Variants in RAP1GDS1 observed in about 807,000 individuals in gnomAD.
The protein encoded by RAP1GDS1 is RAP1, GTP-GDP dissociation stimulator 1.
In RAP1GDS1, 35 loss-of-function variants were observed where a neutral mutation model predicts 71.1. The ratio of observed to expected loss-of-function variants is 0.49; its 90% CI spans 0.38 to 0.65. RAP1GDS1 has a LOEUF of 0.65. Among genes scored for constraint, RAP1GDS1 ranks in the 30% least tolerant of loss-of-function variants. RAP1GDS1 has a pLI of 0.00. For missense variants in RAP1GDS1, 663 were observed against 706.1 expected, an observed-to-expected ratio of 0.94 and a Z score of 0.69; for synonymous variants, 229 against 243.1, an observed-to-expected ratio of 0.94 and a Z score of 0.54.
At chr4:98,288,079 A>C (rs893031006) in intron 1 of RAP1GDS1, among the ~76,000 whole-genome samples, 9 of 152,008 alleles carry the variant, frequency 5.9e-5, no homozygotes, top group Non-Finnish European at 1.0e-4. Flanking sequence ...TGTGCACAAC[A>C]TGCAGGTTTG....
chr4:98,357,928 G>A (rs1167715159), intron 4 of RAP1GDS1, among the ~76,000 whole-genome samples: 1 of 151,858 alleles, frequency 6.6e-6, no homozygotes, highest in Non-Finnish European at 1.5e-5. Flanking sequence ...GTGACTCAGT[G>A]TAATACATAC....
At chr4:98,387,903 A>G (rs944284844) in intron 5 of RAP1GDS1, among the ~76,000 whole-genome samples, 2 of 152,160 alleles carry the variant, frequency 1.3e-5, no homozygotes, top group African/African-American at 4.8e-5. Context: ...TAATCTGCCT[A>G]ATGTATCTAG....
chr4:98,343,431 G>A, intron 3 of RAP1GDS1, 170 bp downstream of exon 3: 4 of 795,740 alleles, frequency 5.0e-6, no homozygotes, highest in Non-Finnish European at 7.8e-6. Context: ...TATAGTTACA[G>A]TCATTCATAC....
chr4:98,373,331 T>A (rs1014557900), intron 4 of RAP1GDS1, among the ~76,000 whole-genome samples: 23 of 152,084 alleles, frequency 1.5e-4, no homozygotes, highest in Admixed American at 3.9e-4. Context: ...TTTTTCTGTT[T>A]TTTTCCCCCT....
chr4:98,386,760 T>G (rs866653460), intron 5 of RAP1GDS1, among the ~76,000 whole-genome samples: 6 of 152,054 alleles, frequency 3.9e-5, no homozygotes, highest in African/African-American at 9.7e-5. Flanking sequence ...GTTCTCCACT[T>G]TATAAACATT....
At chr4:98,427,527 C>CA (rs1369089028) in intron 12 of RAP1GDS1, among the ~76,000 whole-genome samples, 2 of 152,064 alleles carry the variant, frequency 1.3e-5, no homozygotes, top group Non-Finnish European at 2.9e-5. Flanking sequence ...TTTCCAGATA[C>CA]AAAATTAATG....
At chr4:98,339,547 G>A (rs761557216) in intron 2 of RAP1GDS1, among the ~76,000 whole-genome samples, 2 of 151,778 alleles carry the variant, frequency 1.3e-5, no homozygotes, top group African/African-American at 2.4e-5. Flanking sequence ...CAAGACTTCT[G>A]ATCACAGTGC....
At chr4:98,403,451 T>C (rs1470665017) in intron 6 of RAP1GDS1, among the ~76,000 whole-genome samples, 2 of 152,288 alleles carry the variant, frequency 1.3e-5, no homozygotes, top group African/African-American at 4.8e-5. Context: ...CCTGTGCAGA[T>C]AGACAGAGTG....
chr4:98,347,367 CAATT>C (rs1462420280), intron 3 of RAP1GDS1, among the ~76,000 whole-genome samples: 1 of 152,008 alleles, frequency 6.6e-6, no homozygotes, highest in African/African-American at 2.4e-5. Flanking sequence ...AAATAATCGA[CAATT>C]ATTTAATGAA....
chr4:98,332,952 A>C (rs1734204858), intron 2 of RAP1GDS1, among the ~76,000 whole-genome samples: 1 of 152,182 alleles, frequency 6.6e-6, no homozygotes, highest in African/African-American at 2.4e-5. Context: ...TGAGCTGCAT[A>C]GACCTTTGAC....
In RAP1GDS1 at chr4:98,353,395, G is replaced by A. The variant is rs1737499813; in HGVS notation, c.361+794G>A. 2.6e-5 allele frequency among the ~76,000 whole-genome samples: 4 copies of A among 152,132 alleles called. No homozygotes were observed. The South Asian group carries it at 8.3e-4, about 32-fold the overall frequency. ...TTTTAGTGCTTATTTTCCCCATTGA[G>A]TGTTTAACTCGGATGAGTTATATTT... On this transcript the variant is annotated intron_variant, in intron 4 of 14. Transcript: ENST00000408927.
chr4:98,428,089 CA>C (rs1561005783), intron 12 of RAP1GDS1, among the ~76,000 whole-genome samples: 1 of 151,760 alleles, frequency 6.6e-6, no homozygotes, highest in African/African-American at 2.4e-5. Context: ...ACAAAGCAAA[CA>C]AAAACAAAAT....
chr4:98,359,950 C>A (rs1026748591), intron 4 of RAP1GDS1, among the ~76,000 whole-genome samples: 1 of 152,154 alleles, frequency 6.6e-6, no homozygotes, highest in Non-Finnish European at 1.5e-5. Flanking sequence ...TTTTGCGTAG[C>A]ACTGCACCAG....
At chr4:98,357,139 T>G (rs1355728098) in intron 4 of RAP1GDS1, among the ~76,000 whole-genome samples, 2 of 151,922 alleles carry the variant, frequency 1.3e-5, no homozygotes, top group Non-Finnish European at 3.0e-5. Flanking sequence ...TTTGCAACAG[T>G]TATATTCAAA....
At chr4:98,365,010 G>T (rs1336019717) in intron 4 of RAP1GDS1, among the ~76,000 whole-genome samples, 1 of 151,658 alleles carries the variant, frequency 6.6e-6, no homozygotes, top group Admixed American at 6.6e-5. Flanking sequence ...AGAGCAAGAA[G>T]ACCCTGTCTC....
At chr4:98,301,079 A>G (rs971325231) in intron 2 of RAP1GDS1, among the ~76,000 whole-genome samples, 4 of 151,830 alleles carry the variant, frequency 2.6e-5, no homozygotes, top group Non-Finnish European at 5.9e-5. Context: ...TTATTATTTT[A>G]TTCTTTCATA....
intron 10 of RAP1GDS1, among the ~76,000 whole-genome samples, chr4:98,419,221 G>A (rs1748457859): frequency 6.6e-6 from 1 of 151,666 alleles, no homozygotes; most frequent in African/African-American, 2.4e-5. Flanking sequence ...ATGCCCAGCT[G>A]ATTTTTTTTT....
In RAP1GDS1 at chr4:98,357,384, A is replaced by C. The variant is rs535676893; in HGVS notation, c.361+4783A>C. Among the ~76,000 whole-genome samples, 117 of 152,040 alleles carry C rather than the reference A, an allele frequency of 7.7e-4. 2 individuals carry two copies. Among genetic ancestry groups the C allele is most frequent in the African/African-American group, 2.7e-3 (112 of 41,560 alleles). On this transcript the variant is annotated intron_variant, in intron 4 of 14. Transcript: ENST00000408927. ...GTTGTATTTTATGAGTTTATTATTA[A>C]AGTACATCATGTGTATAAGAATAAA... is the stretch of plus-strand genomic sequence containing the variant.
In RAP1GDS1 at chr4:98,441,839, A is replaced by G. The variant is rs1751913520; in HGVS notation, c.1697-151A>G. 4 of 866,426 alleles carry G rather than the reference A, an allele frequency of 4.6e-6. No individual in the cohort carries two copies. In the African/African-American group the frequency reaches 5.2e-5, roughly 11 times the overall value. 53.7% of individuals were successfully genotyped at this position (866,426 alleles called of 1,614,324 possible). A position where few individuals can be genotyped will look rare whatever the true frequency, so the allele number is the denominator to read the frequency against. ...TTTTAAATTATAATACATTTCTAAG[A>G]AAGACATTGCTAGGCTACTGCTATG... On this transcript the variant is annotated intron_variant, in intron 14 of 14. Transcript: ENST00000408927.
Sources: allele counts gnomAD v4.1 joint callset (sites outside exome capture counted in the v4.1 genomes callset), GRCh38; gene constraint gnomAD v4.1.1; transcripts MANE v1.5; gene names NCBI Gene and HGNC (gene_info 2026-07-23, HGNC 2026-07-21).